The following BNIP3L variants were observed in gnomAD, a reference collection of about 807,000 sequenced individuals.
The protein encoded by BNIP3L is BCL2 interacting protein 3 like.
BNIP3L carries 10 observed loss-of-function variants against 25.5 expected under a neutral mutation model. That is an observed-to-expected ratio of 0.39 (90% CI 0.24 to 0.67). The LOEUF (loss-of-function observed/expected upper bound fraction) is 0.67, where lower values mean the gene tolerates loss of function less well. Among genes scored for constraint, BNIP3L ranks in the 30% least tolerant of loss-of-function variants. The probability of loss-of-function intolerance (pLI) is 0.45; values close to 1 mark genes in which losing one functional copy is unlikely to be tolerated. For synonymous variants in BNIP3L, 113 were observed against 101.2 expected (o/e 1.12, Z -0.70); for missense variants, 215 against 270.9 (o/e 0.79, Z 1.45).
Position 26,411,588 on chromosome 8 carries a change from TC to T in BNIP3L, c.*1177del, listed in dbSNP as rs1167563582. 1 of 152,554 alleles carries T rather than the reference TC, an allele frequency of 6.6e-6. No homozygotes were observed. The highest frequency in any genetic ancestry group is 1.5e-5 in the Non-Finnish European group (1 of 68,032). 9.5% of individuals were successfully genotyped at this position (152,554 alleles called of 1,614,324 possible). ...TGATTCCTGCGACTGCAGGCACTGG[TC>T]ATTTTCTCATGTAGCTGTCTTTTCA... On this transcript the variant is annotated 3_prime_UTR_variant, in exon 6 of 6. Transcript: ENST00000380629.
chr8:26,383,277 C>A lies in BNIP3L; in HGVS notation c.100+47C>A, dbSNP rs750598156. On this transcript the variant is annotated intron_variant, in intron 1 of 5. Coordinates refer to ENST00000380629, the MANE Select transcript of BNIP3L (RefSeq NM_004331.3). ...TGTGAAGGGGATGGGGGAGGAGGAG[C>A]AGCCCCGGCCGCCGCCACCGGCGCG... is the stretch of plus-strand genomic sequence containing the variant. 11 of 1,567,096 alleles carry A rather than the reference C, an allele frequency of 7.0e-6. No individual in the cohort carries two copies. In the East Asian group the frequency reaches 2.3e-4, roughly 33 times the overall value.
At chr8:26,402,450 C>T (rs1282494094) in intron 3 of BNIP3L, among the ~76,000 whole-genome samples, 1 of 152,204 alleles carries the variant, frequency 6.6e-6, no homozygotes, top group Non-Finnish European at 1.5e-5. Context: ...AGGAGGATTT[C>T]TTCAATCTAT....
intron 2 of BNIP3L, among the ~76,000 whole-genome samples, chr8:26,393,281 C>T (rs1011946699): frequency 3.3e-5 from 5 of 150,982 alleles, no homozygotes; most frequent in African/African-American, 1.2e-4. Flanking sequence ...ATATTTTCAA[C>T]TTAAAAATTA....
Position 26,395,267 on chromosome 8 carries a change from G to A in BNIP3L, c.322G>A (p.Val108Met). 1.2e-6 allele frequency: 2 copies of A among 1,614,132 alleles called. No homozygotes were observed. Among genetic ancestry groups the A allele is most frequent in the Non-Finnish European group, 1.7e-6 (2 of 1,180,020 alleles). ...AGAAGATGGGCAGATCATGTTTGAT[G>A]TGGAAATGCACACCAGCAGGGACCA... ...PQEDGQIMFD[V>M]EMHTSRDHSS... The change falls in exon 3 of 6, where the codon GTG (valine) becomes ATG (methionine). Residue 108 changes from valine (V) to methionine (M), a missense_variant. This residue lies in a region of BNIP3L where 47 missense variants were observed against 43.3 expected (regional missense o/e 1.09). Transcript: ENST00000380629.
At chr8:26,389,856 C>T (rs1051968720) in intron 1 of BNIP3L, among the ~76,000 whole-genome samples, 10 of 152,126 alleles carry the variant, frequency 6.6e-5, no homozygotes, top group South Asian at 2.1e-4. Context: ...GTGTAGCCAT[C>T]GCCACATTTA....
intron 3 of BNIP3L, among the ~76,000 whole-genome samples, chr8:26,404,175 G>A (rs540662766): frequency 6.6e-6 from 1 of 152,282 alleles, no homozygotes; most frequent in African/African-American, 2.4e-5. Flanking sequence ...TCTCAGTTTT[G>A]TATCAGAAAA....
intron 1 of BNIP3L, among the ~76,000 whole-genome samples, chr8:26,389,038 C>CT (rs1806050891): frequency 6.6e-6 from 1 of 152,034 alleles, no homozygotes; most frequent in Non-Finnish European, 1.5e-5. Flanking sequence ...TTGTTACACC[C>CT]TTTTTTCTCT....
At chr8:26,404,521 G>C (rs1448836612) in intron 3 of BNIP3L, among the ~76,000 whole-genome samples, 1 of 152,102 alleles carries the variant, frequency 6.6e-6, no homozygotes, top group Non-Finnish European at 1.5e-5. Flanking sequence ...AATCTTCTTT[G>C]TTTTTGTTTT....
chr8:26,399,120 A>G (rs1806312894), intron 3 of BNIP3L, among the ~76,000 whole-genome samples: 2 of 140,752 alleles, frequency 1.4e-5, no homozygotes, highest in Admixed American at 7.1e-5. Flanking sequence ...ACCAAAAAAG[A>G]GAATTTTAGA....
intron 1 of BNIP3L, among the ~76,000 whole-genome samples, chr8:26,389,979 G>C (rs1001234254): frequency 6.6e-6 from 1 of 152,120 alleles, no homozygotes; most frequent in Non-Finnish European, 1.5e-5. Context: ...TTAGAGGGAT[G>C]GCCACACCAA....
intron 5 of BNIP3L, among the ~76,000 whole-genome samples, chr8:26,409,270 C>G (rs1437958537): frequency 2.6e-5 from 4 of 152,028 alleles, no homozygotes; most frequent in African/African-American, 7.2e-5. Flanking sequence ...AATTACACTT[C>G]TGAAAGATTT....
At chr8:26,392,653 G>C (rs1337084862) in intron 2 of BNIP3L, among the ~76,000 whole-genome samples, 4 of 151,990 alleles carry the variant, frequency 2.6e-5, no homozygotes, top group Non-Finnish European at 4.4e-5. Flanking sequence ...AACCAGAGCA[G>C]ATGGCTCTCT....
At chr8:26,404,344 A>G (rs1806453585) in intron 3 of BNIP3L, among the ~76,000 whole-genome samples, 1 of 152,172 alleles carries the variant, frequency 6.6e-6, no homozygotes, top group South Asian at 2.1e-4. Context: ...AATATCCTCC[A>G]TTTCCTGTCT....
At chr8:26,396,966 A>T (rs1299961076) in intron 3 of BNIP3L, among the ~76,000 whole-genome samples, 1 of 59,730 alleles carries the variant, frequency 1.7e-5, no homozygotes. Flanking sequence ...GAAATATGGG[A>T]CTATGTGAAA....
At chr8:26,390,158 T>C (rs1159149093) in intron 1 of BNIP3L, among the ~76,000 whole-genome samples, 1 of 152,126 alleles carries the variant, frequency 6.6e-6, no homozygotes, top group East Asian at 1.9e-4. Context: ...CTTGCCATGT[T>C]CCCCAGGCTG....
At chr8:26,383,301 C>T (rs1304913146) in intron 1 of BNIP3L, 71 bp downstream of exon 1, 4 of 1,548,338 alleles carry the variant, frequency 2.6e-6, no homozygotes, top group African/African-American at 2.7e-5. Flanking sequence ...GCCACCGGCG[C>T]GGCGCGGGAG....
intron 3 of BNIP3L, chr8:26,395,527 T>C: frequency 2.0e-6 from 1 of 511,558 alleles, no homozygotes; most frequent in South Asian, 2.8e-5. Context: ...TTCTTGTCCA[T>C]AATAAATCAT....
chr8:26,396,610 C>A (rs1424659475), intron 3 of BNIP3L, among the ~76,000 whole-genome samples: 1 of 150,202 alleles, frequency 6.7e-6, no homozygotes, highest in Non-Finnish European at 1.5e-5. Context: ...AGCAACGGAA[C>A]AAAGCTGGAT....
intron 3 of BNIP3L, among the ~76,000 whole-genome samples, chr8:26,406,413 A>G (rs186528508): frequency 1.8e-3 from 280 of 152,304 alleles, no homozygotes; most frequent in Non-Finnish European, 3.4e-3. Flanking sequence ...TGGCCCTGCT[A>G]TGTACTGGTT....
Sources: gnomAD v4.1 joint callset for allele counts (sites outside exome capture counted in the v4.1 genomes callset) on GRCh38, gnomAD v4.1.1 for gene constraint, gnomAD v4.1.1 regional missense constraint, MANE v1.5 for transcripts, NCBI Gene and HGNC (gene_info 2026-07-23, HGNC 2026-07-21) for gene names.